FABP12: variants seen among roughly 807,000 people sequenced by gnomAD.
The protein encoded by FABP12 is fatty acid binding protein 12.
FABP12 carries 19 observed loss-of-function variants against 13.7 expected under a neutral mutation model. That is an observed-to-expected ratio of 1.39 (90% CI 0.97 to 2.04). The LOEUF is 2.04. Ranked by LOEUF, FABP12 falls within the 30% of genes most tolerant of loss-of-function variation. FABP12 has a pLI of 0.00. For missense variants in FABP12, 182 were observed against 164.2 expected (o/e 1.11, Z -0.59); for synonymous variants, 61 against 57.0 (o/e 1.07, Z -0.32).
intron 1 of FABP12, among the ~76,000 whole-genome samples, chr8:81,566,767 G>GT (rs1809830327): frequency 6.6e-6 from 1 of 152,028 alleles, no homozygotes; most frequent in Non-Finnish European, 1.5e-5. Flanking sequence ...GATACCCACT[G>GT]TCCCCAATAT....
chr8:81,554,735 C>T (rs953975241), intron 1 of FABP12, among the ~76,000 whole-genome samples: 2 of 151,914 alleles, frequency 1.3e-5, no homozygotes, highest in Non-Finnish European at 2.9e-5. Flanking sequence ...CTTCCCTGGG[C>T]CCCATTGAAA....
At chr8:81,574,446 T>C (rs770347364) in intron 1 of FABP12, among the ~76,000 whole-genome samples, 1 of 152,242 alleles carries the variant, frequency 6.6e-6, no homozygotes, top group Middle Eastern at 3.4e-3. Flanking sequence ...CTGTTTGGTA[T>C]TAGGGTGATG....
intron 4 of FABP12, 148 bp downstream of exon 4, chr8:81,526,872 A>G (rs2129921078): frequency 1.7e-6 from 1 of 577,654 alleles, no homozygotes; most frequent in Non-Finnish European, 3.1e-6. Flanking sequence ...AATGCTTACG[A>G]TTATACATTT....
chr8:81,558,192 G>A (rs148677556), intron 1 of FABP12, among the ~76,000 whole-genome samples: 1 of 152,192 alleles, frequency 6.6e-6, no homozygotes, highest in Non-Finnish European at 1.5e-5. Context: ...GGAGAAAAGA[G>A]TAAACAGACA....
At chr8:81,581,306 A>G (rs1416687989) in intron 1 of FABP12, among the ~76,000 whole-genome samples, 1 of 152,142 alleles carries the variant, frequency 6.6e-6, no homozygotes, top group Non-Finnish European at 1.5e-5. Flanking sequence ...CTCTTTCCTA[A>G]TATTTTTACC....
intron 1 of FABP12, among the ~76,000 whole-genome samples, chr8:81,575,812 A>G (rs1206813109): frequency 6.6e-6 from 1 of 152,162 alleles, no homozygotes; most frequent in Non-Finnish European, 1.5e-5. Flanking sequence ...GATTCTTAAG[A>G]TTCTCATGGG....
intron 1 of FABP12, among the ~76,000 whole-genome samples, chr8:81,584,122 T>G (rs1810207832): frequency 6.6e-6 from 1 of 152,126 alleles, no homozygotes; most frequent in Non-Finnish European, 1.5e-5. Flanking sequence ...AGAAAAAGCA[T>G]TTGATAAAAT....
At chr8:81,558,370 G>T (rs539754132) in intron 1 of FABP12, among the ~76,000 whole-genome samples, 5 of 152,246 alleles carry the variant, frequency 3.3e-5, no homozygotes, top group African/African-American at 1.2e-4. Flanking sequence ...GCAATTTGCA[G>T]GTCTAGGAAA....
intron 1 of FABP12, among the ~76,000 whole-genome samples, chr8:81,562,400 G>T (rs1563553191): frequency 6.6e-6 from 1 of 152,112 alleles, no homozygotes; most frequent in Non-Finnish European, 1.5e-5. Flanking sequence ...AGAGGGAAAA[G>T]TAAAGGGACT....
intron 1 of FABP12, among the ~76,000 whole-genome samples, chr8:81,548,773 A>G (rs1809477952): frequency 1.3e-5 from 2 of 152,144 alleles, no homozygotes; most frequent in African/African-American, 4.8e-5. Flanking sequence ...GAAAGGCTAG[A>G]ATGAGTATAG....
chr8:81,535,432 A>G (rs1176519836), upstream of FABP12, among the ~76,000 whole-genome samples: 5 of 152,232 alleles, frequency 3.3e-5, 1 homozygote, highest in Admixed American at 2.6e-4. Context: ...TGTTTGAATT[A>G]GAAAATGAGA....
intron 1 of FABP12, among the ~76,000 whole-genome samples, chr8:81,541,171 A>G (rs1401097248): frequency 6.6e-6 from 1 of 151,886 alleles, no homozygotes; most frequent in East Asian, 1.9e-4. Flanking sequence ...GTCTCAAAAA[A>G]AAAAAAAAAA....
intron 1 of FABP12, among the ~76,000 whole-genome samples, chr8:81,573,357 T>C (rs566773318): frequency 2.0e-5 from 3 of 152,346 alleles, no homozygotes; most frequent in East Asian, 1.9e-4. Context: ...CATGGCCTTA[T>C]AGTATAGTTT....
chr8:81,562,370 C>G (rs1270071697), intron 1 of FABP12, among the ~76,000 whole-genome samples: 2 of 152,080 alleles, frequency 1.3e-5, no homozygotes, highest in African/African-American at 4.8e-5. Context: ...GGGGAGGGAC[C>G]CCTTCTGCTT....
chr8:81,528,536 G>T (rs1266967556), intron 3 of FABP12, among the ~76,000 whole-genome samples: 2 of 151,882 alleles, frequency 1.3e-5, no homozygotes, highest in African/African-American at 2.4e-5. Context: ...CTTTTATCAG[G>T]ATATTATCCT....
In FABP12 at chr8:81,566,564, A is replaced by T. The variant is rs375951409; in HGVS notation, c.-185+23489T>A. On this transcript the variant is annotated intron_variant, in intron 1 of 5. Coordinates refer to the FABP12 transcript ENST00000692030. ...TCCTATCAATAGAATGAAGGACAAAAACCATATGATCATTTCAATTGATGC... is the reference window on the plus strand; with the variant it reads ...TCCTATCAATAGAATGAAGGACAAATACCATATGATCATTTCAATTGATGC... Among the ~76,000 whole-genome samples the T allele has an allele frequency of 2.0e-5, 3 of 152,268 alleles. No individual in the cohort carries two copies. The East Asian group carries it at 5.8e-4, about 29-fold the overall frequency.
chr8:81,583,815 G>A (rs578152347), intron 1 of FABP12, among the ~76,000 whole-genome samples: 105 of 152,206 alleles, frequency 6.9e-4, no homozygotes, highest in African/African-American at 2.5e-3. Flanking sequence ...AATTGAAGAG[G>A]AGGGAATGCT....
chr8:81,572,416 G>A (rs899998012), intron 1 of FABP12, among the ~76,000 whole-genome samples: 3 of 152,186 alleles, frequency 2.0e-5, no homozygotes, highest in African/African-American at 7.2e-5. Flanking sequence ...GTATAAACAT[G>A]TATGTGCAAG....
chr8:81,559,431 C>T (rs1054027072), intron 1 of FABP12, among the ~76,000 whole-genome samples: 1 of 152,188 alleles, frequency 6.6e-6, no homozygotes, highest in African/African-American at 2.4e-5. Context: ...AAGGCTAGAT[C>T]TTACGTTCTT....
Sources: allele counts gnomAD v4.1 joint callset (sites outside exome capture counted in the v4.1 genomes callset), GRCh38; gene constraint gnomAD v4.1.1; transcripts MANE v1.5; gene names NCBI Gene and HGNC (gene_info 2026-07-23, HGNC 2026-07-21).